The following LRRC69 variants were observed in gnomAD, a reference collection of about 807,000 sequenced individuals.
LRRC69 encodes the protein leucine rich repeat containing 69, also known as leucine-rich repeat-containing protein 69.
Under a neutral mutation model 37.8 loss-of-function variants are expected in LRRC69, and 42 were observed. That is an observed-to-expected ratio of 1.11 (90% CI 0.87 to 1.44). The LOEUF (loss-of-function observed/expected upper bound fraction) is 1.44, where lower values mean the gene tolerates loss of function less well. Among genes scored for constraint, LRRC69 ranks in the 40% most tolerant of loss-of-function variants. The pLI is 0.00. For missense variants in LRRC69, 357 were observed against 401.9 expected (o/e 0.89, Z 0.96); for synonymous variants, 141 against 143.1 (o/e 0.99, Z 0.11).
chr8:91,114,293 C>T (rs980681471), intron 1 of LRRC69, among the ~76,000 whole-genome samples: 2 of 151,908 alleles, frequency 1.3e-5, no homozygotes, highest in African/African-American at 2.4e-5. Flanking sequence ...AGCAATCCTA[C>T]TCTGGGTATA....
intron 5 of LRRC69, among the ~76,000 whole-genome samples, chr8:91,159,911 A>G (rs1347021160): frequency 6.6e-6 from 1 of 151,072 alleles, no homozygotes; most frequent in Non-Finnish European, 1.5e-5. Flanking sequence ...CATGTCTCCA[A>G]CAACAGTGAA....
At chr8:91,196,820 C>T (rs1431347766) in intron 6 of LRRC69, among the ~76,000 whole-genome samples, 1 of 151,910 alleles carries the variant, frequency 6.6e-6, no homozygotes. Flanking sequence ...GTAATTTGAT[C>T]GTCTGAAGCC....
chr8:91,204,324 G>C (rs1447031908), intron 7 of LRRC69, among the ~76,000 whole-genome samples: 1 of 152,152 alleles, frequency 6.6e-6, no homozygotes, highest in African/African-American at 2.4e-5. Flanking sequence ...TTCATTGGTT[G>C]AATATATGAA....
chr8:91,123,584 A>T (rs1813666960), intron 1 of LRRC69, among the ~76,000 whole-genome samples: 1 of 151,854 alleles, frequency 6.6e-6, no homozygotes, highest in African/African-American at 2.4e-5. Flanking sequence ...TTTCTTCTTA[A>T]TTTTTTTGGT....
At chr8:91,169,204 G>A (rs1809081902) in intron 5 of LRRC69, among the ~76,000 whole-genome samples, 1 of 151,786 alleles carries the variant, frequency 6.6e-6, no homozygotes, top group Admixed American at 6.6e-5. Context: ...GCTAAACACT[G>A]AATACACATG....
chr8:91,208,472 A>G (rs1809845272), intron 7 of LRRC69, among the ~76,000 whole-genome samples: 1 of 152,174 alleles, frequency 6.6e-6, no homozygotes, highest in Admixed American at 6.6e-5. Flanking sequence ...CAGGGACAGA[A>G]GGGCAAAACA....
At chr8:91,166,706 A>G (rs1809037379) in intron 5 of LRRC69, among the ~76,000 whole-genome samples, 1 of 151,812 alleles carries the variant, frequency 6.6e-6, no homozygotes, top group African/African-American at 2.4e-5. Flanking sequence ...TATGGGATAC[A>G]TATACAATTG....
intron 1 of LRRC69, among the ~76,000 whole-genome samples, chr8:91,123,903 G>A (rs1345230380): frequency 6.6e-6 from 1 of 151,948 alleles, no homozygotes; most frequent in Non-Finnish European, 1.5e-5. Flanking sequence ...ACAGATAACT[G>A]TAGGGTAGAT....
chr8:91,111,471 T>G (rs1009144911), intron 1 of LRRC69, among the ~76,000 whole-genome samples: 3 of 151,398 alleles, frequency 2.0e-5, no homozygotes, highest in African/African-American at 7.3e-5. Flanking sequence ...AGGGTGGAGG[T>G]TGTAGTGAGC....
chr8:91,203,236 T>G (rs1218444382), intron 7 of LRRC69, among the ~76,000 whole-genome samples: 1 of 151,930 alleles, frequency 6.6e-6, no homozygotes, highest in Admixed American at 6.6e-5. Context: ...TGGGAAGATT[T>G]TGGTAGGGAA....
chr8:91,162,097 A>G (rs887544975), intron 5 of LRRC69, among the ~76,000 whole-genome samples: 1 of 151,310 alleles, frequency 6.6e-6, no homozygotes, highest in Non-Finnish European at 1.5e-5. Flanking sequence ...TCATAGTTTT[A>G]TTCCATTGTG....
intron 1 of LRRC69, among the ~76,000 whole-genome samples, chr8:91,120,133 A>G (rs1243456965): frequency 6.6e-6 from 1 of 151,808 alleles, no homozygotes; most frequent in Non-Finnish European, 1.5e-5. Flanking sequence ...GCTTTCTCAC[A>G]TTTTCTGCAC....
At chr8:91,164,191 T>A (rs1808991265) in intron 5 of LRRC69, among the ~76,000 whole-genome samples, 1 of 151,610 alleles carries the variant, frequency 6.6e-6, no homozygotes, top group South Asian at 2.1e-4. Context: ...GAAAATCACA[T>A]TGTAAATTGG....
intron 3 of LRRC69, among the ~76,000 whole-genome samples, chr8:91,129,923 A>T (rs1340395508): frequency 1.3e-5 from 2 of 151,986 alleles, no homozygotes; most frequent in Non-Finnish European, 2.9e-5. Flanking sequence ...TCCTTTACAT[A>T]GTCAAATATA....
At position 91,124,483 on chromosome 8, in the gene LRRC69, A is replaced by G. The variant is rs1374681891; in HGVS notation, c.184-10A>G. 2 of 1,522,202 alleles carry G rather than the reference A, an allele frequency of 1.3e-6. 1 individual carries two copies. 94.3% of individuals were successfully genotyped at this position (1,522,202 alleles called of 1,614,324 possible). A position where few individuals can be genotyped will look rare whatever the true frequency, so the allele number is the denominator to read the frequency against. On this transcript the variant is annotated splice_polypyrimidine_tract_variant and intron_variant, in intron 1 of 7. Transcript: ENST00000448384. Reference sequence around the variant, plus strand: ...ATATATGAGTCCATTAAACCTCTATATGTTTGCAGTTGACAACACTAAATC... The same window carrying G: ...ATATATGAGTCCATTAAACCTCTATGTGTTTGCAGTTGACAACACTAAATC...
intron 6 of LRRC69, among the ~76,000 whole-genome samples, chr8:91,193,005 A>G (rs1809528386): frequency 6.6e-6 from 1 of 151,824 alleles, no homozygotes; most frequent in African/African-American, 2.4e-5. Flanking sequence ...TCTTTAATCC[A>G]TCTTGAATTG....
At position 91,117,688 on chromosome 8, in the gene LRRC69, T is replaced by C. The variant is rs528804448; in HGVS notation, c.184-6805T>C. Among the ~76,000 whole-genome samples, 6 of 151,648 alleles carry C rather than the reference T, an allele frequency of 4.0e-5. No homozygotes were observed. In the East Asian group the frequency reaches 9.7e-4, roughly 25 times the overall value. ...TGACAGTTAGCTTAGGGGTTTTTAT[T>C]GGCCACAGACAAAACTAATTATGCA... On this transcript the variant is annotated intron_variant, in intron 1 of 7. Coordinates refer to ENST00000448384, the Ensembl canonical transcript of LRRC69.
intron 6 of LRRC69, among the ~76,000 whole-genome samples, chr8:91,190,622 A>G (rs1043093810): frequency 6.6e-6 from 1 of 152,222 alleles, no homozygotes; most frequent in African/African-American, 2.4e-5. Flanking sequence ...AAAACAAAAC[A>G]AAATAAAACC....
Position 91,167,556 on chromosome 8 carries a change from A to C in LRRC69, c.652-21966A>C, listed in dbSNP as rs556847901. On this transcript the variant is annotated intron_variant, in intron 5 of 7. Coordinates refer to ENST00000448384, the Ensembl canonical transcript of LRRC69. ...CGGAATGCTTTCAGCACTAATATATACAAGGAAGTGAGATGTGAAACATCC... is the reference window on the plus strand; with the variant it reads ...CGGAATGCTTTCAGCACTAATATATCCAAGGAAGTGAGATGTGAAACATCC... 2.6e-5 allele frequency among the ~76,000 whole-genome samples: 4 copies of C among 152,052 alleles called. No homozygotes were observed. In the South Asian group the frequency reaches 8.3e-4, roughly 32 times the overall value.
Sources: allele counts gnomAD v4.1 joint callset (sites outside exome capture counted in the v4.1 genomes callset), GRCh38; gene constraint gnomAD v4.1.1; transcripts MANE v1.5; gene names NCBI Gene and HGNC (gene_info 2026-07-23, HGNC 2026-07-21).